The following OTUD7A variants were observed in gnomAD, a reference collection of about 807,000 sequenced individuals.
The protein encoded by OTUD7A is OTU domain-containing protein 7A.
Under a neutral mutation model 65.7 loss-of-function variants are expected in OTUD7A, and 12 were observed. That is an observed-to-expected ratio of 0.18 (90% CI 0.12 to 0.30). The LOEUF (loss-of-function observed/expected upper bound fraction) is 0.30, where lower values mean the gene tolerates loss of function less well. Among genes scored for constraint, OTUD7A ranks in the 10% least tolerant of loss-of-function variants. OTUD7A has a pLI of 1.00. For missense variants in OTUD7A, 1,148 were observed against 1,304.8 expected (o/e 0.88, Z 1.85); for synonymous variants, 641 against 586.3 (o/e 1.09, Z -1.35).
intron 1 of OTUD7A, among the ~76,000 whole-genome samples, chr15:31,800,153 G>A (rs1896081690): frequency 6.6e-6 from 1 of 152,136 alleles, no homozygotes; most frequent in East Asian, 1.9e-4. Context: ...TACTCAGTGT[G>A]CACTGAAAAC....
At chr15:31,518,760 A>C (rs533692498) in intron 8 of OTUD7A, among the ~76,000 whole-genome samples, 1 of 152,220 alleles carries the variant, frequency 6.6e-6, no homozygotes. Flanking sequence ...AGGGCCCTGC[A>C]CAGCAGAGCC....
chr15:31,563,168 C>A (rs528418428), intron 4 of OTUD7A, among the ~76,000 whole-genome samples: 1 of 152,082 alleles, frequency 6.6e-6, no homozygotes, highest in South Asian at 2.1e-4. Flanking sequence ...AGAGAAGGGT[C>A]CTTCTAGCCC....
chr15:31,859,487 C>A (rs1198266268), intron 1 of OTUD7A, among the ~76,000 whole-genome samples: 1 of 152,172 alleles, frequency 6.6e-6, no homozygotes, highest in East Asian at 1.9e-4. Context: ...ATCATTTGAT[C>A]AAATAGTAAA....
At chr15:31,798,778 G>A (rs1057494752) in intron 1 of OTUD7A, among the ~76,000 whole-genome samples, 1 of 152,228 alleles carries the variant, frequency 6.6e-6, no homozygotes, top group Non-Finnish European at 1.5e-5. Context: ...CACGGCCCCA[G>A]AGGCCAGAAG....
intron 3 of OTUD7A, among the ~76,000 whole-genome samples, chr15:31,598,467 C>T (rs7164729): frequency 0.31 from 47,498 of 152,018 alleles, 9,384 homozygotes; most frequent in African/African-American, 0.56. Flanking sequence ...ATGCACACTC[C>T]GGCCCAGATA....
At chr15:31,668,444 G>C (rs1283851245) in intron 1 of OTUD7A, among the ~76,000 whole-genome samples, 1 of 152,176 alleles carries the variant, frequency 6.6e-6, no homozygotes, top group African/African-American at 2.4e-5. Flanking sequence ...CTATTGCTGA[G>C]ATTTTCCAAA....
At chr15:31,792,734 C>T (rs1038249324) in intron 1 of OTUD7A, among the ~76,000 whole-genome samples, 1 of 152,190 alleles carries the variant, frequency 6.6e-6, no homozygotes, top group African/African-American at 2.4e-5. Flanking sequence ...TTCTGCCATC[C>T]CCCACTGGCT....
At chr15:31,565,985 G>C (rs1168804995) in intron 4 of OTUD7A, among the ~76,000 whole-genome samples, 1 of 152,186 alleles carries the variant, frequency 6.6e-6, no homozygotes, top group African/African-American at 2.4e-5. Flanking sequence ...AAGGTCAGGA[G>C]ATCGAGACCA....
chr15:31,600,349 C>A (rs1280548111), intron 3 of OTUD7A, among the ~76,000 whole-genome samples: 1 of 152,086 alleles, frequency 6.6e-6, no homozygotes, highest in Non-Finnish European at 1.5e-5. Flanking sequence ...AATTTCATAT[C>A]CAGCCCAACT....
chr15:31,678,171 G>GT (rs1220532080), intron 1 of OTUD7A, among the ~76,000 whole-genome samples: 10 of 152,218 alleles, frequency 6.6e-5, no homozygotes, highest in Non-Finnish European at 1.2e-4. Context: ...GCAGCAAAGT[G>GT]TTTAAGAGAT....
chr15:31,588,873 G>A (rs1468458000), intron 3 of OTUD7A, among the ~76,000 whole-genome samples: 2 of 152,242 alleles, frequency 1.3e-5, no homozygotes, highest in Non-Finnish European at 2.9e-5. Context: ...GCTACTCAGA[G>A]GGGAGGAGGG....
At chr15:31,523,058 C>T (rs1028268326) in intron 8 of OTUD7A, among the ~76,000 whole-genome samples, 3 of 152,222 alleles carry the variant, frequency 2.0e-5, no homozygotes, top group African/African-American at 7.2e-5. Context: ...GTTCTTCTCG[C>T]CATCATGCCT....
intron 3 of OTUD7A, among the ~76,000 whole-genome samples, chr15:31,605,351 GAC>G (rs1890209288): frequency 6.6e-6 from 1 of 152,200 alleles, no homozygotes; most frequent in South Asian, 2.1e-4. Context: ...GGCCACTCTG[GAC>G]ACACAGGGGT....
intron 1 of OTUD7A, among the ~76,000 whole-genome samples, chr15:31,666,855 T>C (rs939529287): frequency 6.6e-5 from 10 of 152,320 alleles, no homozygotes; most frequent in Middle Eastern, 6.8e-3. Context: ...TTTGAATAAT[T>C]TTTAAATTTC....
At chr15:31,542,639 G>A (rs1394720187) in intron 5 of OTUD7A, among the ~76,000 whole-genome samples, 1 of 151,854 alleles carries the variant, frequency 6.6e-6, no homozygotes, top group African/African-American at 2.4e-5. Context: ...GATTTTAAAA[G>A]TCTAAGACAT....
chr15:31,630,553 T>C (rs995137765), intron 3 of OTUD7A, among the ~76,000 whole-genome samples: 4 of 152,116 alleles, frequency 2.6e-5, no homozygotes, highest in African/African-American at 7.2e-5. Flanking sequence ...CTGAAAAAAA[T>C]GTATATTCTG....
intron 3 of OTUD7A, among the ~76,000 whole-genome samples, chr15:31,619,555 T>C (rs1486910221): frequency 1.1e-4 from 7 of 63,500 alleles, no homozygotes; most frequent in African/African-American, 6.0e-4. Flanking sequence ...AGTTCACTCA[T>C]GATTTGGCTC....
At chr15:31,714,154 T>C (rs1273561707) in intron 1 of OTUD7A, among the ~76,000 whole-genome samples, 6 of 149,196 alleles carry the variant, frequency 4.0e-5, no homozygotes, top group Non-Finnish European at 8.9e-5. Context: ...TGTGTACACC[T>C]GTGCACCAAA....
intron 1 of OTUD7A, among the ~76,000 whole-genome samples, chr15:31,677,210 C>T: frequency 6.6e-6 from 1 of 152,156 alleles, no homozygotes; most frequent in East Asian, 1.9e-4. Context: ...GTCAGTGACT[C>T]CAGGGGATAG....
Sources: gnomAD v4.1 joint callset for allele counts (sites outside exome capture counted in the v4.1 genomes callset) on GRCh38, gnomAD v4.1.1 for gene constraint, MANE v1.5 for transcripts, NCBI Gene and HGNC (gene_info 2026-07-23, HGNC 2026-07-21) for gene names.